Variants in SSC5D observed in about 807,000 individuals in gnomAD.
SSC5D encodes the protein scavenger receptor cysteine rich family member with 5 domains.
SSC5D carries 106 observed loss-of-function variants against 104.6 expected under a neutral mutation model. The observed-to-expected ratio is 1.01, with a 90% CI of 0.87 to 1.19. The LOEUF (loss-of-function observed/expected upper bound fraction) is 1.19. Ranked by LOEUF, SSC5D falls within the 50% of genes most tolerant of loss-of-function variation. The pLI is 0.00. For synonymous variants in SSC5D, 860 were observed against 883.5 expected, an observed-to-expected ratio of 0.97 and a Z score of 0.47; for missense variants, 1,993 against 2,153.8, an observed-to-expected ratio of 0.93 and a Z score of 1.48.
intron 8 of SSC5D, 40 bp from the exon 9 acceptor site, chr19:55,497,840 G>A (rs1285859987): frequency 2.0e-6 from 3 of 1,479,188 alleles, no homozygotes; most frequent in Admixed American, 2.2e-5. Context: ...AGGCTGGGCG[G>A]CTTCCCCGAC....
Position 55,499,884 on chromosome 19 carries a change from C to T in SSC5D, c.1774C>T (p.Arg592Trp), listed in dbSNP as rs1451618613. Reference protein sequence around the residue: ...WSWIPGLGRDRDAWLPGELAT... With the variant: ...WSWIPGLGRDWDAWLPGELAT... ...CTGGATTCCTGGACTGGGGAGAGAT[C>T]GGGATGCCTGGCTCCCGGGAGAGCT... Residue 592 changes from arginine to tryptophan, a missense_variant, in exon 10 of 14, where the codon CGG (arginine) becomes TGG (tryptophan). By Grantham distance (101) the Arg-to-Trp change is moderately radical (BLOSUM62 -3). This residue lies in a region of SSC5D where 1,101 missense variants were observed against 1,085.0 expected (regional missense o/e 1.01). Coordinates refer to ENST00000389623, the MANE Select transcript of SSC5D (RefSeq NM_001144950.2). 4.5e-6 allele frequency: 7 copies of T among 1,551,520 alleles called. No individual in the cohort carries two copies. Among genetic ancestry groups the T allele is most frequent in the Middle Eastern group, 1.7e-4 (1 of 6,014 alleles).
chr19:55,500,013 A>C lies in SSC5D; in HGVS notation c.1903A>C (p.Asn635His), dbSNP rs996626466. Residue 635 changes from asparagine to histidine, a missense_variant, in exon 10 of 14, where the codon AAT (asparagine) becomes CAT (histidine). Physicochemically the swap from Asn to His is moderately conservative, Grantham distance 68. This residue lies in a region of SSC5D where 1,101 missense variants were observed against 1,085.0 expected (regional missense o/e 1.01). Transcript: ENST00000389623. The surrounding 1 kb of genome is among the most constrained non-coding windows in gnomAD (Gnocchi z 4.6). ...GAGTACTAAGAAGTGGGTGACAAAA[A>C]ATGCAAAGAGACCAACCACTCAACC... is the stretch of plus-strand genomic sequence containing the variant. The part of the protein sequence containing the change: ...PKSTKKWVTK[N>H]AKRPTTQPPV... 3 of 1,551,748 alleles carry C rather than the reference A, an allele frequency of 1.9e-6. No individual in the cohort carries two copies. The highest frequency in any genetic ancestry group is 2.6e-6 in the Non-Finnish European group (3 of 1,146,980).
chr19:55,496,977 C>G (rs1261351419), intron 8 of SSC5D, among the ~76,000 whole-genome samples: 1 of 152,196 alleles, frequency 6.6e-6, no homozygotes, highest in Non-Finnish European at 1.5e-5. Context: ...CCAGGCTGGT[C>G]TCAAACTCCT....
chr19:55,500,107 C>T lies in SSC5D; in HGVS notation c.1997C>T (p.Ala666Val), dbSNP rs1478857267. 1.3e-6 allele frequency: 2 copies of T among 1,551,574 alleles called. No homozygotes were observed. The highest frequency in any genetic ancestry group is 1.2e-5 in the South Asian group (1 of 84,032). Residue 666 changes from alanine to valine, a missense_variant, in exon 10 of 14, where the codon GCA becomes GTA. Physicochemically the swap from Ala to Val is moderately conservative, Grantham distance 64 (BLOSUM62 0). Coordinates refer to ENST00000389623, the MANE Select transcript of SSC5D (RefSeq NM_001144950.2). This position sits in a 1 kb window ranked among gnomAD's most constrained non-coding sequence, Gnocchi z 4.6. ...CCAGACCTAACCTCACAGACCACTG[C>T]AGCACTGACCACTGAGGCCTCCCGA... ...SPPDLTSQTT[A>V]ALTTEASRRP... is the part of the protein sequence containing the mutation.
chr19:55,513,484 G>A (rs1367687069), intron 13 of SSC5D, among the ~76,000 whole-genome samples: 2 of 150,980 alleles, frequency 1.3e-5, no homozygotes, highest in African/African-American at 2.4e-5. Context: ...GGAGGCTGAG[G>A]CAGGAGGATC....
intron 8 of SSC5D, among the ~76,000 whole-genome samples, chr19:55,495,233 A>ATTTTTTTTT (rs74181759): frequency 5.9e-5 from 3 of 50,664 alleles, no homozygotes; most frequent in Non-Finnish European, 9.6e-5. Flanking sequence ...ATATATATAT[A>ATTTTTTTTT]TTTTTTTTTT....
intron 7 of SSC5D, 104 bp from the exon 8 acceptor site, chr19:55,494,506 C>T: frequency 2.4e-6 from 3 of 1,266,892 alleles, no homozygotes; most frequent in East Asian, 5.4e-5. Context: ...GAGATCTCTG[C>T]GTGCAGCTGA....
In SSC5D at chr19:55,488,579, T is replaced by C; in HGVS notation, c.-11T>C. ...TCCCCTTTCACCCCATCCCCTGCCC[T>C]GGCTGCAACCATGAGGGTCTTGGCC... On this transcript the variant is annotated 5_prime_UTR_variant, in exon 1 of 14. Transcript: ENST00000389623. 3 of 1,508,578 alleles carry C rather than the reference T, an allele frequency of 2.0e-6. No homozygotes were observed. Among genetic ancestry groups the C allele is most frequent in the Middle Eastern group, 1.7e-4 (1 of 5,750 alleles). 93.4% of individuals were successfully genotyped at this position (1,508,578 alleles called of 1,614,324 possible).
Position 55,493,628 on chromosome 19 carries a change from C to T in SSC5D, c.929C>T (p.Pro310Leu). ...PAPRLRLADG[P>L]HGCAGRLEVW... is the part of the protein sequence containing the mutation. ...CCTCGGCTGCGCCTGGCCGATGGCC[C>T]CCACGGGTGCGCCGGCCGCCTGGAG... The change falls in exon 7 of 14, where the codon CCC becomes CTC. Residue 310 changes from proline (P) to leucine (L), a missense_variant. Pro to Leu is a moderately conservative substitution (Grantham distance 98). Around this residue, in one of 6 missense-constraint regions of SSC5D, gnomAD observed 1,101 missense variants for 1,085.0 expected, o/e 1.01. Transcript: ENST00000389623. 1 of 1,488,396 alleles carries T rather than the reference C, an allele frequency of 6.7e-7. No individual in the cohort carries two copies. The highest frequency in any genetic ancestry group is 8.9e-7 in the Non-Finnish European group (1 of 1,128,768). The allele number at this position is 1,488,396 out of a possible 1,614,324, so 92.2% of individuals were successfully genotyped here.
Position 55,513,014 on chromosome 19 carries a change from G to A in SSC5D, c.2789G>A (p.Ser930Asn). 1 of 1,552,038 alleles carries A rather than the reference G, an allele frequency of 6.4e-7. No individual in the cohort carries two copies. The highest frequency in any genetic ancestry group is 1.7e-4 in the Middle Eastern group (1 of 5,996). Reference sequence around the variant, plus strand: ...CCTCTTCCCCATATCTCTCTAGGCAGCAAAGATGGTTACAAGCTTCCCTGG... The same window carrying A: ...CCTCTTCCCCATATCTCTCTAGGCAACAAAGATGGTTACAAGCTTCCCTGG... Reference protein sequence around the residue: ...PAIRRLPDTGSKDGYKLPWTW... With the variant: ...PAIRRLPDTGNKDGYKLPWTW... The change falls in exon 13 of 14, where the codon AGC (serine) becomes AAC (asparagine). Residue 930 changes from serine to asparagine, a missense_variant. Ser to Asn is a conservative substitution (Grantham distance 46). This residue lies in a region of SSC5D where 423 missense variants were observed against 409.2 expected (regional missense o/e 1.03). Transcript: ENST00000389623.
chr19:55,493,992 G>GGGGGGT (rs568555704), intron 7 of SSC5D, 80 bp downstream of exon 7: 2 of 283,996 alleles, frequency 7.0e-6, no homozygotes, highest in South Asian at 2.6e-5. Context: ...GGGGGCGGGG[G>GGGGGGT]GGTCCCTACG....
At position 55,499,916 on chromosome 19, in the gene SSC5D, C is replaced by A; in HGVS notation, c.1806C>A (p.Thr602=). Reference sequence around the variant, plus strand: ...CCTGGCTCCCGGGAGAGCTGGCCACCAAGCCCTCTGCAAGTGTGACTGCCA... The same window carrying A: ...CCTGGCTCCCGGGAGAGCTGGCCACAAAGCCCTCTGCAAGTGTGACTGCCA... ...RDAWLPGELA[T]KPSASVTASV... Residue 602 remains threonine (T), a synonymous_variant, in exon 10 of 14, where the codon ACC becomes ACA. Coordinates refer to ENST00000389623, the MANE Select transcript of SSC5D (RefSeq NM_001144950.2). 1 of 1,551,802 alleles carries A rather than the reference C, an allele frequency of 6.4e-7. No individual in the cohort carries two copies. Among genetic ancestry groups the A allele is most frequent in the East Asian group, 2.4e-5 (1 of 40,896 alleles).
At position 55,497,887 on chromosome 19, in the gene SSC5D, C is replaced by G; in HGVS notation, c.1395C>G (p.Pro465=). ...LWEPGPEAGS[P]QLRLVAGPSK... is the part of the protein sequence containing the mutation. ...GGGTCTCTTCTACCCCAGGGTCCCC[C>G]CAGCTGCGCCTGGTGGCTGGGCCCA... The change falls in exon 9 of 14, where the codon CCC becomes CCG. Residue 465 remains proline (P), a synonymous_variant. Transcript: ENST00000389623. 3 of 1,536,312 alleles carry G rather than the reference C, an allele frequency of 2.0e-6. No homozygotes were observed. The East Asian group carries it at 7.4e-5, about 38-fold the overall frequency.
chr19:55,500,057 G>A lies in SSC5D; in HGVS notation c.1947G>A (p.Thr649=), dbSNP rs1435087320. 5 of 1,551,576 alleles carry A rather than the reference G, an allele frequency of 3.2e-6. No homozygotes were observed. In the Admixed American group the frequency reaches 5.9e-5, roughly 18 times the overall value. The change falls in exon 10 of 14, where the codon ACG becomes ACA. Residue 649 remains threonine, a synonymous_variant. Coordinates refer to ENST00000389623, the MANE Select transcript of SSC5D (RefSeq NM_001144950.2). The surrounding 1 kb of genome is among the most constrained non-coding windows in gnomAD (Gnocchi z 4.6). The stretch of plus-strand genomic sequence containing the variant: ...CTCAACCCCCAGTGATGCCAACCAC[G>A]AAACACTCCAGGGCCCAAAGCCCCC... The part of the protein sequence containing the change: ...PTTQPPVMPT[T]KHSRAQSPPD...
In SSC5D at chr19:55,490,916, C is replaced by T. The variant is rs1016359398; in HGVS notation, c.731C>T (p.Ala244Val). 1.4e-5 allele frequency: 21 copies of T among 1,543,826 alleles called. No individual in the cohort carries two copies. Among genetic ancestry groups the T allele is most frequent in the African/African-American group, 8.2e-5 (6 of 72,842 alleles). ...TGCCGGGAACTGGGCTGTGGGGGGG[C>T]GCTGGCTGCCCCCGGCGGTGCCAGA... The part of the protein sequence containing the change: ...VACRELGCGG[A>V]LAAPGGARFG... Residue 244 changes from alanine (A) to valine (V), a missense_variant, in exon 6 of 14, where the codon GCG becomes GTG. Coordinates refer to ENST00000389623, the MANE Select transcript of SSC5D (RefSeq NM_001144950.2).
chr19:55,494,615 C>A lies in SSC5D; in HGVS notation c.1219C>A (p.Pro407Thr), dbSNP rs747417117. 1 of 1,536,164 alleles carries A rather than the reference C, an allele frequency of 6.5e-7. No homozygotes were observed. The highest frequency in any genetic ancestry group is 8.8e-7 in the Non-Finnish European group (1 of 1,137,846). Reference sequence around the variant, plus strand: ...ACTTACCCCCTGCTCCACAGGCATGCCCCTGGGCTACGTCCCTCCCACGGC... The same window carrying A: ...ACTTACCCCCTGCTCCACAGGCATGACCCTGGGCTACGTCCCTCCCACGGC... The part of the protein sequence containing the change: ...EDAGAVCDGM[P>T]LGYVPPTAPT... The change falls in exon 8 of 14, where the codon CCC becomes ACC. Residue 407 changes from proline to threonine, a missense_variant. This residue lies in a region of SSC5D where 1,101 missense variants were observed against 1,085.0 expected (regional missense o/e 1.01). Transcript: ENST00000389623.
In SSC5D at chr19:55,517,782, C is replaced by A. The variant is rs1252134990; in HGVS notation, c.3506C>A (p.Pro1169His). Residue 1169 changes from proline (P) to histidine (H), a missense_variant, in exon 14 of 14, where the codon CCT becomes CAT. Transcript: ENST00000389623. ...CCTGACCCCATCACAACCCTTAACC[C>A]TACTGTGACCCCTCACTTCCCTACC... ...MAPDPITTLN[P>H]TVTPHFPTTP... 1 of 1,549,054 alleles carries A rather than the reference C, an allele frequency of 6.5e-7. No individual in the cohort carries two copies. Among genetic ancestry groups the A allele is most frequent in the Non-Finnish European group, 8.7e-7 (1 of 1,146,062 alleles).
Position 55,490,952 on chromosome 19 carries a change from G to A in SSC5D, c.767G>A (p.Gly256Asp). ...AAPGGARFGP[G>D]AGPVWMDDVG... ...CCCGGCGGTGCCAGATTCGGGCCTG[G>A]TGCAGGGCCCGTGTGGATGGACGAT... is the stretch of plus-strand genomic sequence containing the variant. The change falls in exon 6 of 14, where the codon GGT (glycine) becomes GAT (aspartate). Residue 256 changes from glycine to aspartate, a missense_variant. Around this residue, in one of 6 missense-constraint regions of SSC5D, gnomAD observed 1,101 missense variants for 1,085.0 expected, o/e 1.01. Coordinates refer to ENST00000389623, the MANE Select transcript of SSC5D (RefSeq NM_001144950.2). 1 of 1,546,460 alleles carries A rather than the reference G, an allele frequency of 6.5e-7. No individual in the cohort carries two copies. Among genetic ancestry groups the A allele is most frequent in the Non-Finnish European group, 8.7e-7 (1 of 1,144,882 alleles).
intron 13 of SSC5D, 135 bp downstream of exon 13, chr19:55,513,307 G>A (rs553579937): frequency 4.3e-5 from 41 of 956,638 alleles, no homozygotes; most frequent in African/African-American, 1.0e-4. Flanking sequence ...AAGGGTTATC[G>A]GCTGAGCATG....
Sources: gnomAD v4.1 joint callset for allele counts (sites outside exome capture counted in the v4.1 genomes callset) on GRCh38, gnomAD v4.1.1 for gene constraint, gnomAD v4.1.1 regional missense constraint, Gnocchi (gnomAD v3.1) non-coding constraint, MANE v1.5 for transcripts, NCBI Gene and HGNC (gene_info 2026-07-23, HGNC 2026-07-21) for gene names.